Variants in DRICH1 observed in about 807,000 individuals in gnomAD.
The protein encoded by DRICH1 is aspartate-rich protein 1.
A neutral mutation model predicts 39.5 loss-of-function variants in DRICH1; 38 were observed. The observed-to-expected ratio is 0.96, with a 90% CI of 0.74 to 1.26. DRICH1 has a LOEUF of 1.26. Among genes scored for constraint, DRICH1 ranks in the 50% most tolerant of loss-of-function variants. The pLI is 0.00. For synonymous variants in DRICH1, 84 were observed against 99.5 expected (o/e 0.84, Z 0.93); for missense variants, 279 against 270.4 (o/e 1.03, Z -0.22).
intron 8 of DRICH1, among the ~76,000 whole-genome samples, chr22:23,616,000 C>T (rs1248592207): frequency 6.6e-6 from 1 of 152,228 alleles, no homozygotes; most frequent in African/African-American, 2.4e-5. Flanking sequence ...GCTTCTCCCT[C>T]CATTTCCAAG....
chr22:23,599,513 T>C, the DRICH1 span, among the ~76,000 whole-genome samples: 869 of 152,264 alleles, frequency 5.7e-3, 10 homozygotes, highest in African/African-American at 0.02. Flanking sequence ...GAAGGAATTT[T>C]TGGGTGGTGA....
chr22:23,621,249 AAAG>A lies in DRICH1; in HGVS notation c.385-637_385-635del, dbSNP rs577535574. 3.9e-3 allele frequency among the ~76,000 whole-genome samples: 587 copies of A among 152,040 alleles called. 3 individuals are homozygous for A. The highest frequency in any genetic ancestry group is 6.8e-3 in the Middle Eastern group (2 of 294). ...CCACTTAATTGCCCTCACTTCAACC[AAAG>A]AAGTTTAGTCTAAGTTGAAAGTTTA... On this transcript the variant is annotated intron_variant, in intron 4 of 11. Transcript: ENST00000317749.
chr22:23,604,000 T>C (rs1926603579), downstream of DRICH1, among the ~76,000 whole-genome samples: 1 of 152,208 alleles, frequency 6.6e-6, no homozygotes, highest in South Asian at 2.1e-4. Flanking sequence ...CCCAGGGCTG[T>C]CCTTGCTCAT....
intron 7 of DRICH1, among the ~76,000 whole-genome samples, chr22:23,617,167 C>T (rs998717149): frequency 6.6e-6 from 1 of 152,180 alleles, no homozygotes; most frequent in Non-Finnish European, 1.5e-5. Context: ...TGGATGCTGT[C>T]ATTTAAAAAC....
chr22:23,585,446 T>G, the DRICH1 span, among the ~76,000 whole-genome samples: 1 of 152,144 alleles, frequency 6.6e-6, no homozygotes, highest in Admixed American at 6.6e-5. Context: ...TAGCAGCGTA[T>G]TTCTTAATTT....
chr22:23,587,615 T>G, the DRICH1 span, among the ~76,000 whole-genome samples: 101 of 152,162 alleles, frequency 6.6e-4, 3 homozygotes, highest in South Asian at 0.018. Context: ...CTCCCCACCA[T>G]CCAGGCCAGG....
chr22:23,603,599 G>A (rs577391413), downstream of DRICH1, among the ~76,000 whole-genome samples: 2 of 151,966 alleles, frequency 1.3e-5, no homozygotes, highest in East Asian at 1.9e-4. Flanking sequence ...GGAGCTCCCC[G>A]CCACAGCCCT....
At chr22:23,598,822 T>C in the DRICH1 span, among the ~76,000 whole-genome samples, 2 of 152,112 alleles carry the variant, frequency 1.3e-5, no homozygotes, top group South Asian at 4.1e-4. Flanking sequence ...TACAAGTGTG[T>C]TCCATACAGG....
rs542373768 is a variant in DRICH1 at position 23,616,714 on chromosome 22, T to G, written c.541+139A>C. 2,065 of 1,192,278 alleles carry G rather than the reference T, an allele frequency of 1.7e-3. 25 individuals carry two copies. The African/African-American group carries it at 0.025, about 15-fold the overall frequency. 73.9% of individuals were successfully genotyped at this position (1,192,278 alleles called of 1,614,324 possible). The stretch of plus-strand genomic sequence containing the variant: ...TCACACACATTTCTACAGCCCCTCT[T>G]CTCATAGCTATACACTTGCAGAATC... On this transcript the variant is annotated intron_variant, in intron 8 of 11. Coordinates refer to ENST00000317749, the MANE Select transcript of DRICH1 (RefSeq NM_016449.4).
At chr22:23,631,194 C>T (rs767001141) in intron 1 of DRICH1, among the ~76,000 whole-genome samples, 1 of 151,986 alleles carries the variant, frequency 6.6e-6, no homozygotes, top group African/African-American at 2.4e-5. Flanking sequence ...CCGAGGCGGG[C>T]AGATCACCAG....
intron 7 of DRICH1, 109 bp downstream of exon 7, chr22:23,617,466 T>A: frequency 7.8e-7 from 1 of 1,276,730 alleles, no homozygotes; most frequent in Non-Finnish European, 1.1e-6. Context: ...AATCTCACTT[T>A]TACTGTTTTT....
the DRICH1 span, among the ~76,000 whole-genome samples, chr22:23,589,124 A>G: frequency 7.2e-6 from 1 of 138,264 alleles, no homozygotes; most frequent in South Asian, 2.3e-4. Context: ...ACACACACAC[A>G]CACCCCTTTG....
At chr22:23,591,943 G>C in the DRICH1 span, among the ~76,000 whole-genome samples, 8 of 142,830 alleles carry the variant, frequency 5.6e-5, no homozygotes, top group Non-Finnish European at 1.3e-4. Flanking sequence ...GGGGTGTGGA[G>C]GGGGAGCAGG....
rs546246734 is a variant in DRICH1 at position 23,628,842 on chromosome 22, C to T, written c.209-2794G>A. On this transcript the variant is annotated intron_variant, in intron 1 of 11. Transcript: ENST00000317749. ...ACCAATTTCTGCCAGTGTCAACGGC[C>T]ATCATCGCACAAAGAGATGGAGAAG... Among the ~76,000 whole-genome samples, 143 of 152,082 alleles carry T rather than the reference C, an allele frequency of 9.4e-4. 1 individual carries two copies. Among genetic ancestry groups the T allele is most frequent in the Non-Finnish European group, 1.6e-3 (109 of 68,016 alleles).
the DRICH1 span, among the ~76,000 whole-genome samples, chr22:23,602,917 C>G: frequency 6.6e-6 from 1 of 152,016 alleles, no homozygotes; most frequent in East Asian, 1.9e-4. Context: ...TTTAATGTTC[C>G]CTACCATGGA....
At chr22:23,616,488 C>T (rs759144320) in intron 8 of DRICH1, among the ~76,000 whole-genome samples, 58 of 152,270 alleles carry the variant, frequency 3.8e-4, no homozygotes, top group Admixed American at 7.2e-4. Context: ...AACATGAAGG[C>T]TCCTGGAAAT....
At chr22:23,607,034 T>G (rs543568952), downstream of DRICH1, 3 of 152,980 alleles carry the variant, frequency 2.0e-5, no homozygotes, top group African/African-American at 7.2e-5. Context: ...CCCTTTCCTG[T>G]TGTGCAGGGG....
rs1490335996 is a variant in DRICH1 at position 23,614,187 on chromosome 22, C to G, written c.569G>C (p.Arg190Thr). Residue 190 changes from arginine (R) to threonine (T), a missense_variant, in exon 9 of 12, where the codon AGA (arginine) becomes ACA (threonine). Physicochemically the swap from Arg to Thr is moderately conservative, Grantham distance 71 (BLOSUM62 -1). Transcript: ENST00000317749. The part of the protein sequence containing the change: ...QACSEDSLFL[R>T]CSLRHKDEEE... ...TTCATCTTTGTGTCTCAGTGAGCATCTTAAAAACAGGCTATCTTCAGAACA... is the reference window on the plus strand; with the variant it reads ...TTCATCTTTGTGTCTCAGTGAGCATGTTAAAAACAGGCTATCTTCAGAACA... 1.9e-6 allele frequency: 3 copies of G among 1,613,800 alleles called. No homozygotes were observed. Among genetic ancestry groups the G allele is most frequent in the Non-Finnish European group, 2.5e-6 (3 of 1,179,810 alleles).
intron 6 of DRICH1, 147 bp from the exon 7 acceptor site, chr22:23,617,804 G>C: frequency 1.5e-6 from 1 of 662,954 alleles, no homozygotes; most frequent in Non-Finnish European, 2.6e-6. Flanking sequence ...GAGGAGGGGA[G>C]CAGGCATGAG....
Sources: allele counts gnomAD v4.1 joint callset (sites outside exome capture counted in the v4.1 genomes callset), GRCh38; gene constraint gnomAD v4.1.1; transcripts MANE v1.5; gene names NCBI Gene and HGNC (gene_info 2026-07-23, HGNC 2026-07-21).